OGA: variants seen among roughly 807,000 people sequenced by gnomAD.
The protein encoded by OGA is O-GlcNAcase.
A neutral mutation model predicts 102.0 loss-of-function variants in OGA; 21 were observed. The observed-to-expected ratio is 0.21, with a 90% CI of 0.15 to 0.30. OGA has a LOEUF of 0.30. Ranked by LOEUF, OGA falls within the 10% of genes least tolerant of loss-of-function variation. OGA has a pLI of 1.00. For synonymous variants in OGA, 408 were observed against 378.2 expected, an observed-to-expected ratio of 1.08 and a Z score of -0.91; for missense variants, 765 against 1,107.8, an observed-to-expected ratio of 0.69 and a Z score of 4.39.
intron 7 of OGA, among the ~76,000 whole-genome samples, chr10:101,803,210 C>G (rs1460533821): frequency 6.6e-6 from 1 of 151,292 alleles, no homozygotes; most frequent in Non-Finnish European, 1.5e-5. Context: ...CTAAGTGACT[C>G]AAGAGTATCT....
At chr10:101,815,233 T>TGGC (rs2065606238) in intron 1 of OGA, among the ~76,000 whole-genome samples, 1 of 152,104 alleles carries the variant, frequency 6.6e-6, no homozygotes, top group South Asian at 2.1e-4. Context: ...CTGTAGCACT[T>TGGC]TCATCTGGAC....
chr10:101,810,418 G>A (rs2065538555), intron 3 of OGA, 104 bp from the exon 4 acceptor site: 6 of 1,069,396 alleles, frequency 5.6e-6, no homozygotes, highest in South Asian at 1.7e-5. Flanking sequence ...TACAAGAAAG[G>A]AAAAGATCCT....
intron 12 of OGA, 73 bp from the exon 13 acceptor site, chr10:101,791,512 C>A: frequency 1.6e-6 from 2 of 1,248,536 alleles, no homozygotes; most frequent in South Asian, 1.2e-5. Flanking sequence ...ACTCACAAGT[C>A]AGTCTGGGGA....
Position 101,790,939 on chromosome 10 carries a change from T to C in OGA, c.2411A>G (p.Lys804Arg). 1 of 1,613,492 alleles carries C rather than the reference T, an allele frequency of 6.2e-7. No individual in the cohort carries two copies. Among genetic ancestry groups the C allele is most frequent in the African/African-American group, 1.3e-5 (1 of 75,040 alleles). The change falls in exon 14 of 16, where the codon AAG becomes AGG. Residue 804 changes from lysine to arginine, a missense_variant. Lys to Arg is a conservative substitution (Grantham distance 26, BLOSUM62 2). Transcript: ENST00000361464. ...KISWIPFMQE[K>R]YTKPNGDKEL... is the part of the protein sequence containing the mutation. Reference sequence around the variant, plus strand: ...CTTGTCACCATTTGGCTTGGTATACTTCTCCTGCATGAAGGGGATCCAGGA... The same window carrying C: ...CTTGTCACCATTTGGCTTGGTATACCTCTCCTGCATGAAGGGGATCCAGGA...
In OGA at chr10:101,818,097, C is replaced by T. The variant is rs1036189366; in HGVS notation, c.-75G>A. 1 of 1,440,662 alleles carries T rather than the reference C, an allele frequency of 6.9e-7. No homozygotes were observed. Among genetic ancestry groups the T allele is most frequent in the African/African-American group, 1.5e-5 (1 of 68,178 alleles). The allele number at this position is 1,440,662 out of a possible 1,614,324, so 89.2% of individuals were successfully genotyped here. On this transcript the variant is annotated 5_prime_UTR_variant, in exon 1 of 16. Coordinates refer to ENST00000361464, the MANE Select transcript of OGA (RefSeq NM_012215.5). ...TCCGTTGGGGCACCGGCCCGGAGCC[C>T]TGGAGAGGGCTTCAGCTCCAAGTGT...
At chr10:101,811,406 GAAAAAA>G (rs67433227) in intron 3 of OGA, among the ~76,000 whole-genome samples, 3 of 45,686 alleles carry the variant, frequency 6.6e-5, no homozygotes, top group African/African-American at 3.0e-4. Context: ...GAAAAAAAAT[GAAAAAA>G]AAAAAAAAAA....
rs781506813 is a variant in OGA at position 101,818,222 on chromosome 10, C to T, written c.-200G>A. The T allele has an allele frequency of 2.2e-5, 30 of 1,343,528 alleles. No individual in the cohort carries two copies. Among genetic ancestry groups the T allele is most frequent in the Non-Finnish European group, 2.9e-5 (30 of 1,051,346 alleles). 83.2% of individuals were successfully genotyped at this position (1,343,528 alleles called of 1,614,324 possible). A position where few individuals can be genotyped will look rare whatever the true frequency, so the allele number is the denominator to read the frequency against. On this transcript the variant is annotated 5_prime_UTR_variant, in exon 1 of 16. Transcript: ENST00000361464. ...AGAAGGGCGGCGGCACCGGCGCGAGCCCTTTGTCAGCCGCAGCCTCGGCTT... is the reference window on the plus strand; with the variant it reads ...AGAAGGGCGGCGGCACCGGCGCGAGTCCTTTGTCAGCCGCAGCCTCGGCTT...
chr10:101,809,950 G>A (rs2065531064), intron 4 of OGA, among the ~76,000 whole-genome samples: 1 of 151,680 alleles, frequency 6.6e-6, no homozygotes, highest in Non-Finnish European at 1.5e-5. Flanking sequence ...AGCTGAGGCA[G>A]GAGAATCACT....
Position 101,803,949 on chromosome 10 carries a change from A to G in OGA, c.822T>C (p.Ala274=). 1 of 1,613,734 alleles carries G rather than the reference A, an allele frequency of 6.2e-7. No homozygotes were observed. The highest frequency in any genetic ancestry group is 2.2e-5 in the East Asian group (1 of 44,880). Residue 274 remains alanine (A), a synonymous_variant, in exon 7 of 16, where the codon GCT becomes GCC. Coordinates refer to ENST00000361464, the MANE Select transcript of OGA (RefSeq NM_012215.5). The stretch of plus-strand genomic sequence containing the variant: ...CATGAATGTTATCCCAGATTACTGG[A>G]GCTCTCTTAATAATCTTAGAAACCT... ...IEEVSKIIKR[A]PVIWDNIHAN...
intron 7 of OGA, 27 bp downstream of exon 7, chr10:101,803,708 G>A (rs199884088): frequency 1.9e-6 from 3 of 1,591,376 alleles, no homozygotes; most frequent in African/African-American, 1.3e-5. Context: ...TCCTCCCAAG[G>A]TGAAAGATCA....
At chr10:101,815,470 G>A (rs1040877507) in intron 1 of OGA, among the ~76,000 whole-genome samples, 3 of 151,844 alleles carry the variant, frequency 2.0e-5, no homozygotes, top group Admixed American at 2.0e-4. Context: ...ATTTTTAGTA[G>A]AGACAGGGTT....
At position 101,785,190 on chromosome 10, in the gene OGA, G is replaced by A. The variant is rs1352888113; in HGVS notation, c.*1261C>T. 6.6e-6 allele frequency: 1 copy of A among 152,196 alleles called. No homozygotes were observed. The highest frequency in any genetic ancestry group is 1.5e-5 in the Non-Finnish European group (1 of 68,044). 9.4% of individuals were successfully genotyped at this position (152,196 alleles called of 1,614,324 possible). A position where few individuals can be genotyped will look rare whatever the true frequency, so the allele number is the denominator to read the frequency against. ...CAGCCATGATGAAAAAATGAGTCCT[G>A]CCGACTATCTGCCAGCTTCATGCTC... is the stretch of plus-strand genomic sequence containing the variant. On this transcript the variant is annotated 3_prime_UTR_variant, in exon 16 of 16. Coordinates refer to ENST00000361464, the MANE Select transcript of OGA (RefSeq NM_012215.5).
intron 10 of OGA, among the ~76,000 whole-genome samples, chr10:101,794,693 A>C (rs1589826426): frequency 6.6e-6 from 1 of 152,230 alleles, no homozygotes; most frequent in Non-Finnish European, 1.5e-5. Context: ...GGTTCCTCTG[A>C]CCAGCCATTA....
Position 101,799,402 on chromosome 10 carries a change from A to C in OGA, c.1249T>G (p.Leu417Val). 6.2e-7 allele frequency: 1 copy of C among 1,614,070 alleles called. No individual in the cohort carries two copies. Among genetic ancestry groups the C allele is most frequent in the Non-Finnish European group, 8.5e-7 (1 of 1,179,948 alleles). Residue 417 changes from leucine to valine, a missense_variant, in exon 9 of 16, where the codon TTA becomes GTA. Around this residue, in one of 7 missense-constraint regions of OGA, gnomAD observed 281 missense variants for 345.8 expected, o/e 0.81. Coordinates refer to ENST00000361464, the MANE Select transcript of OGA (RefSeq NM_012215.5). ...GCATTTAAAGAGGGTGCTGCAACTA[A>C]AGGAGTCCCATCAACTACACTTGCT... is the stretch of plus-strand genomic sequence containing the variant. Reference protein sequence around the residue: ...AKASVVDGTPLVAAPSLNATT... With the variant: ...AKASVVDGTPVVAAPSLNATT...
At chr10:101,808,805 T>A (rs1446614177) in intron 4 of OGA, among the ~76,000 whole-genome samples, 2 of 151,914 alleles carry the variant, frequency 1.3e-5, no homozygotes, top group Non-Finnish European at 2.9e-5. Context: ...CCATCTCTAC[T>A]AAAAATACAA....
chr10:101,804,818 T>C (rs1316526438), intron 6 of OGA, among the ~76,000 whole-genome samples: 2 of 152,032 alleles, frequency 1.3e-5, no homozygotes, highest in Non-Finnish European at 2.9e-5. Flanking sequence ...CTTAAACTCC[T>C]GGCCTCAAGC....
chr10:101,806,038 G>GACTTACCTGTCCAAAGC lies in OGA; in HGVS notation c.741_751+6dup. On this transcript the variant is annotated splice_region_variant and intron_variant, in intron 6 of 15. Transcript: ENST00000361464. The stretch of plus-strand genomic sequence containing the variant: ...AACTTTGACTGTATAAATCTTAAAA[G>GACTTACCTGTCCAAAGC]ACTTACCTGTCCAAAGCACTTCAAT... The GACTTACCTGTCCAAAGC allele has an allele frequency of 6.4e-7, 1 of 1,572,578 alleles. No individual in the cohort carries two copies. The highest frequency in any genetic ancestry group is 8.8e-7 in the Non-Finnish European group (1 of 1,142,356).
At chr10:101,805,520 T>C (rs1485304022) in intron 6 of OGA, among the ~76,000 whole-genome samples, 1 of 151,446 alleles carries the variant, frequency 6.6e-6, no homozygotes, top group African/African-American at 2.4e-5. Flanking sequence ...CTGGGTGTGG[T>C]GGCGTGTGCC....
At position 101,787,465 on chromosome 10, in the gene OGA, T is replaced by C. The variant is rs771152954; in HGVS notation, c.2513A>G (p.Asn838Ser). The change falls in exon 15 of 16, where the codon AAT (asparagine) becomes AGT (serine). Residue 838 changes from asparagine to serine, a missense_variant. By Grantham distance (46) the Asn-to-Ser change is conservative. Around this residue, in one of 7 missense-constraint regions of OGA, gnomAD observed 146 missense variants for 269.7 expected, o/e 0.54. Coordinates refer to ENST00000361464, the MANE Select transcript of OGA (RefSeq NM_012215.5). ...QEVLPETFLANFPSLIKMDIH... is the reference protein window; with the variant it reads ...QEVLPETFLASFPSLIKMDIH... ...GTCCATCTTTATCAGAGAAGGGAAATTAGCAAGGAAAGTTTCTGGCAGTAC... is the reference window on the plus strand; with the variant it reads ...GTCCATCTTTATCAGAGAAGGGAAACTAGCAAGGAAAGTTTCTGGCAGTAC... 82 of 1,613,694 alleles carry C rather than the reference T, an allele frequency of 5.1e-5. No homozygotes were observed. Among genetic ancestry groups the C allele is most frequent in the Admixed American group, 4.3e-4 (26 of 60,002 alleles).
Sources: gnomAD v4.1 joint callset for allele counts (sites outside exome capture counted in the v4.1 genomes callset) on GRCh38, gnomAD v4.1.1 for gene constraint, gnomAD v4.1.1 regional missense constraint, MANE v1.5 for transcripts, NCBI Gene and HGNC (gene_info 2026-07-23, HGNC 2026-07-21) for gene names.